The following FGF13 variants were observed in gnomAD, a reference collection of about 807,000 sequenced individuals.
FGF13 encodes fibroblast growth factor 13, also known as fibroblast growth factor homologous factor 2.
Under a neutral mutation model 19.5 loss-of-function variants are expected in FGF13, and 2 were observed. The observed-to-expected ratio is 0.10, with a 90% CI of 0.04 to 0.32. The LOEUF (loss-of-function observed/expected upper bound fraction) is 0.32. FGF13 is among the 10% of genes least tolerant of loss of function. FGF13 has a pLI of 1.00. For synonymous variants in FGF13, 72 were observed against 76.9 expected (o/e 0.94, Z 0.33); for missense variants, 113 against 192.7 (o/e 0.59, Z 2.45).
intron 1 of FGF13, among the ~76,000 whole-genome samples, chrX:138,953,059 T>C (rs981906274): frequency 9.0e-6 from 1 of 111,687 alleles, no homozygotes; most frequent in African/African-American, 3.3e-5. Flanking sequence ...ACCATTTGAC[T>C]CAGCAATCCC....
Position 138,978,848 on chromosome X carries a change from T to TA in FGF13, c.-112-114199dup, listed in dbSNP as rs778226717. Among the ~76,000 whole-genome samples the TA allele has an allele frequency of 1.3e-4, 15 of 111,459 alleles. 1 individual carries two copies. The East Asian group carries it at 4.0e-3, about 30-fold the overall frequency. The stretch of plus-strand genomic sequence containing the variant: ...TTTACAGGATTTTGAGATAATGGAG[T>TA]AAAAAACAGAGTTATGTACTTTGAG... On this transcript the variant is annotated intron_variant, in intron 1 of 2. Coordinates refer to the FGF13 transcript ENST00000421460.
chrX:138,976,836 G>C (rs2091941872), intron 1 of FGF13, among the ~76,000 whole-genome samples: 1 of 111,446 alleles, frequency 9.0e-6, no homozygotes, highest in Non-Finnish European at 1.9e-5. Context: ...TTTGAGATTT[G>C]ATTGTTGAAA....
chrX:138,775,264 G>A (rs1233617916), intron 3 of FGF13, among the ~76,000 whole-genome samples: 3 of 112,193 alleles, frequency 2.7e-5, no homozygotes, highest in South Asian at 3.7e-4. Context: ...CCAGCTCTTC[G>A]TGTTCTTTGA....
intron 1 of FGF13, among the ~76,000 whole-genome samples, chrX:139,117,497 G>T (rs1312077407): frequency 9.0e-6 from 1 of 110,948 alleles, no homozygotes; most frequent in East Asian, 2.8e-4. Context: ...CATCTATTGG[G>T]CTTAGCTTAA....
In FGF13 at chrX:138,695,032, CAA is replaced by C. The variant is rs1491184016; in HGVS notation, c.402+7950_402+7951del. Among the ~76,000 whole-genome samples, 86 of 98,152 alleles carry C rather than the reference CAA, an allele frequency of 8.8e-4. 1 individual carries two copies. The highest frequency in any genetic ancestry group is 1.2e-3 in the African/African-American group (32 of 25,893). 85.2% of individuals were successfully genotyped at this position (98,152 alleles called of 115,157 possible). ...ACACACACACACACACACACACACA[CAA>C]ACCCAGAAAACCAAGAGTTATACAG... On this transcript the variant is annotated intron_variant, in intron 3 of 4. Coordinates refer to ENST00000315930, the MANE Select transcript of FGF13 (RefSeq NM_004114.5).
intron 2 of FGF13, among the ~76,000 whole-genome samples, chrX:138,706,176 A>G (rs925647772): frequency 2.1e-5 from 2 of 93,377 alleles, no homozygotes; most frequent in African/African-American, 4.0e-5. Context: ...TGTTGAACTG[A>G]TAATGCTACC....
At chrX:139,097,095 G>A (rs2083475598) in intron 1 of FGF13, among the ~76,000 whole-genome samples, 2 of 111,862 alleles carry the variant, frequency 1.8e-5, no homozygotes, top group African/African-American at 6.5e-5. Flanking sequence ...ATTAAGAAAT[G>A]AAATCCAGCA....
chrX:138,924,904 G>A (rs942525714), intron 1 of FGF13, among the ~76,000 whole-genome samples: 45 of 109,935 alleles, frequency 4.1e-4, no homozygotes, highest in Non-Finnish European at 2.1e-4. Context: ...CAGAATTAAA[G>A]TCCTGGTAGT....
intron 1 of FGF13, among the ~76,000 whole-genome samples, chrX:138,895,171 G>A (rs373319078): frequency 8.1e-5 from 9 of 111,799 alleles, no homozygotes; most frequent in African/African-American, 2.6e-4. Context: ...CTTGACAAAT[G>A]AAACAGGATA....
chrX:138,766,956 T>A lies in FGF13; in HGVS notation c.218-58028A>T, dbSNP rs141907826. 4.5e-3 allele frequency among the ~76,000 whole-genome samples: 502 copies of A among 112,181 alleles called. 2 individuals are homozygous for A. Among genetic ancestry groups the A allele is most frequent in the Non-Finnish European group, 6.4e-3 (343 of 53,261 alleles). On this transcript the variant is annotated intron_variant, in intron 3 of 6. Coordinates refer to the FGF13 transcript ENST00000436198. ...TCCCATTGCTTGTCTTTGTCAACCT[T>A]GTCAACGATTAAATGGTTGTAGGTG...
chrX:138,870,400 C>T (rs911792935), intron 1 of FGF13, among the ~76,000 whole-genome samples: 1 of 111,695 alleles, frequency 9.0e-6, no homozygotes, highest in South Asian at 3.8e-4. Context: ...CCCGATTAAC[C>T]CAGCTATCAA....
intron 1 of FGF13, among the ~76,000 whole-genome samples, chrX:138,899,429 G>A (rs934747328): frequency 9.0e-6 from 1 of 111,178 alleles, no homozygotes; most frequent in East Asian, 2.8e-4. Flanking sequence ...CCAGGTGCTG[G>A]GTAAGGTCAC....
chrX:138,947,578 C>T (rs754523808), intron 1 of FGF13, among the ~76,000 whole-genome samples: 51 of 112,088 alleles, frequency 4.6e-4, no homozygotes, highest in African/African-American at 1.5e-3. Flanking sequence ...TTTGCCTCTC[C>T]TGTCATGAGG....
At chrX:138,789,889 C>T (rs1412517155) in intron 3 of FGF13, among the ~76,000 whole-genome samples, 2 of 105,317 alleles carry the variant, frequency 1.9e-5, no homozygotes, top group Admixed American at 1.0e-4. Context: ...ACTAAAAATA[C>T]AAAAAATTAG....
rs376180393 is a variant in FGF13 at position 139,129,594 on chromosome X, G to C, written c.-113+73822C>G. ...CTTGCGTCTGAAAAGACCCAAAGCA[G>C]CAAAAGAAAGCTAGGAGATACCAGA... On this transcript the variant is annotated intron_variant, in intron 1 of 2. Coordinates refer to the FGF13 transcript ENST00000421460. Among the ~76,000 whole-genome samples the C allele has an allele frequency of 4.5e-5, 5 of 111,506 alleles. No individual in the cohort carries two copies. In the East Asian group the frequency reaches 1.4e-3, roughly 31 times the overall value.
chrX:138,937,057 C>T (rs1406058811), intron 1 of FGF13, among the ~76,000 whole-genome samples: 2 of 110,787 alleles, frequency 1.8e-5, no homozygotes, highest in Non-Finnish European at 1.9e-5. Flanking sequence ...AAAGCAGGCC[C>T]GGACCCCCTT....
chrX:138,796,820 GT>G (rs1320495056), intron 3 of FGF13, among the ~76,000 whole-genome samples: 4 of 112,010 alleles, frequency 3.6e-5, no homozygotes, highest in Non-Finnish European at 7.5e-5. Flanking sequence ...GTGATGATGA[GT>G]TTTTTTCATA....
At chrX:139,135,971 G>A (rs1311291091) in intron 1 of FGF13, among the ~76,000 whole-genome samples, 2 of 111,618 alleles carry the variant, frequency 1.8e-5, no homozygotes, top group African/African-American at 6.5e-5. Context: ...ATTTAGAAGA[G>A]CATGTTATAC....
At chrX:138,661,705 A>T (rs1032797751) in intron 3 of FGF13, among the ~76,000 whole-genome samples, 1 of 111,886 alleles carries the variant, frequency 8.9e-6, no homozygotes, top group African/African-American at 3.2e-5. Context: ...ATTAGGTTAG[A>T]AATAAGGGTA....
Sources: gnomAD v4.1 joint callset for allele counts (sites outside exome capture counted in the v4.1 genomes callset) on GRCh38, gnomAD v4.1.1 for gene constraint, MANE v1.5 for transcripts, NCBI Gene and HGNC (gene_info 2026-07-23, HGNC 2026-07-21) for gene names.